TMEM255B: variants seen among roughly 807,000 people sequenced by gnomAD.
The protein encoded by TMEM255B is family with sequence similarity 70, member B.
In TMEM255B, 35 loss-of-function variants were observed where a neutral mutation model predicts 34.5. That is an observed-to-expected ratio of 1.01 (90% CI 0.77 to 1.34). The LOEUF is 1.34. TMEM255B is among the 40% of genes most tolerant of loss of function. The pLI is 0.00. For missense variants in TMEM255B, 432 were observed against 433.2 expected (o/e 1.00, Z 0.02); for synonymous variants, 206 against 201.2 (o/e 1.02, Z -0.20).
At chr13:113,766,338 C>T in intron 2 of TMEM255B, 81 bp downstream of exon 2, 1 of 1,594,688 alleles carries the variant, frequency 6.3e-7, no homozygotes, top group Non-Finnish European at 8.6e-7. Flanking sequence ...CACGCCAGCT[C>T]ACAGGGCTGG....
intron 4 of TMEM255B, among the ~76,000 whole-genome samples, chr13:113,795,933 A>AC (rs2138565335): frequency 7.0e-6 from 1 of 143,654 alleles, no homozygotes; most frequent in Admixed American, 6.9e-5. Flanking sequence ...CACACCACAC[A>AC]ACACACAGAG....
intron 3 of TMEM255B, among the ~76,000 whole-genome samples, chr13:113,775,650 C>G (rs1050750124): frequency 1.3e-5 from 2 of 152,270 alleles, no homozygotes; most frequent in Non-Finnish European, 1.5e-5. Context: ...CTGGATCCCA[C>G]GACCTCACCC....
In TMEM255B at chr13:113,806,983, T is replaced by G. The variant is rs2051184930; in HGVS notation, c.813+1955T>G. ...CGGTGGCCCATGCTGTCTTCCATCC[T>G]CAACCTCAGCCGCTGCCCCTCAGGG... is the stretch of plus-strand genomic sequence containing the variant. On this transcript the variant is annotated intron_variant, in intron 8 of 8. Transcript: ENST00000375353. The surrounding 1 kb of genome is among the most constrained non-coding windows in gnomAD (Gnocchi z 4.2). 6.6e-6 allele frequency among the ~76,000 whole-genome samples: 1 copy of G among 152,174 alleles called. No homozygotes were observed. The highest frequency in any genetic ancestry group is 2.4e-5 in the African/African-American group (1 of 41,456).
intron 4 of TMEM255B, among the ~76,000 whole-genome samples, chr13:113,796,174 C>A (rs545304986): frequency 7.0e-6 from 1 of 142,710 alleles, no homozygotes; most frequent in African/African-American, 2.6e-5. Flanking sequence ...ATAGCACACA[C>A]CACACAACAC....
intron 3 of TMEM255B, among the ~76,000 whole-genome samples, chr13:113,789,868 A>G (rs1243627694): frequency 6.6e-6 from 1 of 151,950 alleles, no homozygotes; most frequent in South Asian, 2.1e-4. Flanking sequence ...GCACGTGAAC[A>G]TCCTAGCACT....
intron 5 of TMEM255B, 51 bp from the exon 6 acceptor site, chr13:113,800,776 G>A (rs756567658): frequency 4.6e-6 from 7 of 1,535,138 alleles, no homozygotes; most frequent in Non-Finnish European, 4.4e-6. Flanking sequence ...TGGTGGGGTG[G>A]GTGAGGTGGT....
intron 3 of TMEM255B, among the ~76,000 whole-genome samples, chr13:113,787,241 C>T (rs999190341): frequency 4.6e-4 from 70 of 152,200 alleles, no homozygotes; most frequent in African/African-American, 1.3e-3. Flanking sequence ...CCAGAGCCAA[C>T]GGTCTGGATT....
At chr13:113,786,125 A>G (rs983435888) in intron 3 of TMEM255B, among the ~76,000 whole-genome samples, 1 of 152,182 alleles carries the variant, frequency 6.6e-6, no homozygotes, top group Non-Finnish European at 1.5e-5. Context: ...TCGGGATTCT[A>G]GCCAGAGAAC....
chr13:113,808,557 C>G (rs2051228681), intron 8 of TMEM255B, among the ~76,000 whole-genome samples: 1 of 150,310 alleles, frequency 6.7e-6, no homozygotes, highest in South Asian at 2.1e-4. Context: ...GGGGTTTACT[C>G]CATGGTTCCT....
In TMEM255B at chr13:113,816,465, G is replaced by C. The variant is rs1203683802; in HGVS notation, c.*4562G>C. On this transcript the variant is annotated 3_prime_UTR_variant, in exon 9 of 9. Coordinates refer to ENST00000375353, the MANE Select transcript of TMEM255B (RefSeq NM_182614.4). Reference sequence around the variant, plus strand: ...CACATCTCCATGGAAACGGGAGTGGGAGAAACGGGCCCCAAGGATGTTGTG... The same window carrying C: ...CACATCTCCATGGAAACGGGAGTGGCAGAAACGGGCCCCAAGGATGTTGTG... 1 of 154,350 alleles carries C rather than the reference G, an allele frequency of 6.5e-6. No individual in the cohort carries two copies. The highest frequency in any genetic ancestry group is 1.4e-5 in the Non-Finnish European group (1 of 69,292). The allele number at this position is 154,350 out of a possible 1,614,324, so 9.6% of individuals were successfully genotyped here.
At chr13:113,786,821 A>G (rs1303769132) in intron 3 of TMEM255B, among the ~76,000 whole-genome samples, 1 of 152,150 alleles carries the variant, frequency 6.6e-6, no homozygotes, top group East Asian at 1.9e-4. Flanking sequence ...ATTACGATGG[A>G]TTTCTCATTT....
At chr13:113,802,222 GC>G (rs1161836584) in intron 7 of TMEM255B, among the ~76,000 whole-genome samples, 43 of 152,204 alleles carry the variant, frequency 2.8e-4, no homozygotes, top group Non-Finnish European at 1.5e-5. Flanking sequence ...GCCAGGATTG[GC>G]CTGGGCAGGA....
In TMEM255B at chr13:113,812,977, A is replaced by ACAGGATAGGTCT. The variant is rs1566342254; in HGVS notation, c.*1075_*1076insAGGATAGGTCTC. On this transcript the variant is annotated 3_prime_UTR_variant, in exon 9 of 9. Transcript: ENST00000375353. ...GTGGGTCACGGGCCCCGGGTGGGTC[A>ACAGGATAGGTCT]CGGGTCCCGGGTGGGTCACGGGTCC... The ACAGGATAGGTCT allele has an allele frequency of 1.5e-5, 2 of 132,200 alleles. No individual in the cohort carries two copies. The highest frequency in any genetic ancestry group is 7.5e-5 in the Admixed American group (1 of 13,332). The allele number at this position is 132,200 out of a possible 1,614,324, so 8.2% of individuals were successfully genotyped here.
intron 3 of TMEM255B, among the ~76,000 whole-genome samples, chr13:113,778,818 G>A (rs551294130): frequency 1.3e-5 from 2 of 152,338 alleles, no homozygotes; most frequent in African/African-American, 2.4e-5. Flanking sequence ...CCTGGGCAGG[G>A]CCTCCACTGA....
Position 113,769,275 on chromosome 13 carries a change from G to A in TMEM255B, c.252+115G>A. The A allele has an allele frequency of 8.4e-7, 1 of 1,191,284 alleles. No individual in the cohort carries two copies. Among genetic ancestry groups the A allele is most frequent in the Non-Finnish European group, 1.2e-6 (1 of 808,590 alleles). 73.8% of individuals were successfully genotyped at this position (1,191,284 alleles called of 1,614,324 possible). A position where few individuals can be genotyped will look rare whatever the true frequency, so the allele number is the denominator to read the frequency against. On this transcript the variant is annotated intron_variant, in intron 3 of 8. Transcript: ENST00000375353. This position sits in a 1 kb window ranked among gnomAD's most constrained non-coding sequence, Gnocchi z 4.2. ...CCTCCCCAGCACACTGGTGTCTACA[G>A]GACCAGCTCTGAGGTTCCCGGGCTG...
intron 3 of TMEM255B, among the ~76,000 whole-genome samples, chr13:113,774,189 A>G (rs2050521449): frequency 6.6e-6 from 1 of 151,700 alleles, no homozygotes. Context: ...TTCATTTATA[A>G]AGATTTCACT....
chr13:113,809,926 G>A (rs542156412), intron 8 of TMEM255B, among the ~76,000 whole-genome samples: 4 of 152,200 alleles, frequency 2.6e-5, no homozygotes, highest in South Asian at 2.1e-4. Context: ...TGTGAGTTTC[G>A]GGGGAAGAAA....
chr13:113,777,123 G>A (rs1054528132), intron 3 of TMEM255B, among the ~76,000 whole-genome samples: 3 of 152,046 alleles, frequency 2.0e-5, no homozygotes, highest in Admixed American at 1.3e-4. Context: ...ACAGGGCCCT[G>A]GAATTTCTCA....
At position 113,762,105 on chromosome 13, in the gene TMEM255B, G is replaced by GGA. The variant is rs1555363798; in HGVS notation, c.46+2790_46+2791insGA. ...TGTAATAACAGTATTTCCGGGACAG[G>GGA]AAAAAAAAAAAAATCAAGGAAATTA... On this transcript the variant is annotated intron_variant, in intron 1 of 8. Transcript: ENST00000375353. 5.4e-5 allele frequency among the ~76,000 whole-genome samples: 8 copies of GGA among 147,690 alleles called. No homozygotes were observed. In the East Asian group the frequency reaches 9.8e-4, roughly 18 times the overall value.
Sources: allele counts gnomAD v4.1 joint callset (sites outside exome capture counted in the v4.1 genomes callset), GRCh38; gene constraint gnomAD v4.1.1; non-coding constraint Gnocchi (gnomAD v3.1); transcripts MANE v1.5; gene names NCBI Gene and HGNC (gene_info 2026-07-23, HGNC 2026-07-21).